COL5A1: variants seen among roughly 807,000 people sequenced by gnomAD.
COL5A1 encodes the protein collagen alpha-1(V) chain.
Under a neutral mutation model 263.7 loss-of-function variants are expected in COL5A1, and 16 were observed. That is an observed-to-expected ratio of 0.06 (90% CI 0.04 to 0.09). The LOEUF (loss-of-function observed/expected upper bound fraction) is 0.09, where lower values mean the gene tolerates loss of function less well. Ranked by LOEUF, COL5A1 falls within the 10% of genes least tolerant of loss-of-function variation. The pLI, the probability that COL5A1 is intolerant of heterozygous loss-of-function variation, is 1.00. For synonymous variants in COL5A1, 1,012 were observed against 1,004.5 expected (o/e 1.01, Z -0.14); for missense variants, 2,036 against 2,540.5 (o/e 0.80, Z 4.27).
At chr9:134,687,341 A>G (rs188134123) in intron 1 of COL5A1, among the ~76,000 whole-genome samples, 2 of 152,334 alleles carry the variant, frequency 1.3e-5, no homozygotes, top group East Asian at 1.9e-4. Flanking sequence ...GCAGAGCAGG[A>G]TGGTGCCTAG....
Position 134,822,121 on chromosome 9 carries a change from A to C in COL5A1, c.4579A>C (p.Ile1527Leu). 1 of 1,489,142 alleles carries C rather than the reference A, an allele frequency of 6.7e-7. No homozygotes were observed. Among genetic ancestry groups the C allele is most frequent in the Non-Finnish European group, 9.1e-7 (1 of 1,102,074 alleles). The allele number at this position is 1,489,142 out of a possible 1,614,324, so 92.2% of individuals were successfully genotyped here. ...GGGTATCACTGGTCCTTCTGGCCCG[A>C]TTGGGCCTCCTGGGCCCCCTGGCCT... is the stretch of plus-strand genomic sequence containing the variant. ...EQGITGPSGP[I>L]GPPGPPGLPG... is the part of the protein sequence containing the mutation. The change falls in exon 59 of 66, where the codon ATT becomes CTT. Residue 1527 changes from isoleucine (I) to leucine (L), a missense_variant. This residue lies in a region of COL5A1 where 1,078 missense variants were observed against 1,521.4 expected (regional missense o/e 0.71). Transcript: ENST00000371817.
At chr9:134,812,825 G>C in intron 48 of COL5A1, 113 bp downstream of exon 48, 1 of 789,870 alleles carries the variant, frequency 1.3e-6, no homozygotes, top group Non-Finnish European at 2.2e-6. Context: ...CACGCTTGTG[G>C]GGGTGCATAC....
At chr9:134,732,183 C>CCCG in intron 9 of COL5A1, 56 bp downstream of exon 9, 1 of 1,594,278 alleles carries the variant, frequency 6.3e-7, no homozygotes, top group Non-Finnish European at 8.6e-7. Flanking sequence ...CTCGGGGTCA[C>CCCG]AGCGGGGTGT....
At chr9:134,802,037 G>A (rs1365565176) in intron 38 of COL5A1, 30 bp downstream of exon 38, 2 of 1,601,822 alleles carry the variant, frequency 1.2e-6, no homozygotes, top group African/African-American at 2.7e-5. Context: ...GATTCCATGG[G>A]TCACTCGGTG....
chr9:134,671,360 C>T (rs763061584), intron 1 of COL5A1, among the ~76,000 whole-genome samples: 4 of 152,160 alleles, frequency 2.6e-5, no homozygotes, highest in African/African-American at 9.7e-5. Flanking sequence ...TCTGGGATCT[C>T]GCACAGTACA....
In COL5A1 at chr9:134,760,007, TAC is replaced by T. The variant is rs769999732; in HGVS notation, c.1935+1717_1935+1718del. 1.5e-4 allele frequency among the ~76,000 whole-genome samples: 9 copies of T among 59,734 alleles called. No homozygotes were observed. The East Asian group carries it at 4.4e-3, about 29-fold the overall frequency. 39.2% of individuals were successfully genotyped at this position (59,734 alleles called of 152,430 possible). ...TGCACACCCACACACCCCACACTCA[TAC>T]ACACATGCACACACACCCACGCACA... On this transcript the variant is annotated intron_variant, in intron 18 of 65. Transcript: ENST00000371817.
intron 19 of COL5A1, among the ~76,000 whole-genome samples, chr9:134,762,454 G>A (rs1836490066): frequency 6.6e-6 from 1 of 152,256 alleles, no homozygotes; most frequent in Non-Finnish European, 1.5e-5. Flanking sequence ...GCGAGTGGCT[G>A]TGGCCATGGG....
At chr9:134,747,961 G>GCGCACATGCATTCACA (rs1471772689) in intron 11 of COL5A1, among the ~76,000 whole-genome samples, 21,275 of 112,180 alleles carry the variant, frequency 0.19, 2,861 homozygotes, top group East Asian at 0.33. Context: ...GCAGACACAT[G>GCGCACATGCATTCACA]CACACATGCA....
At chr9:134,761,344 C>T (rs1326539819) in intron 18 of COL5A1, among the ~76,000 whole-genome samples, 5 of 152,184 alleles carry the variant, frequency 3.3e-5, no homozygotes, top group Admixed American at 2.6e-4. Flanking sequence ...CTGTTGATTG[C>T]TCCCGTAAGC....
chr9:134,717,062 G>A (rs1044369824), intron 4 of COL5A1, among the ~76,000 whole-genome samples: 8 of 152,168 alleles, frequency 5.3e-5, no homozygotes, highest in Non-Finnish European at 1.0e-4. Flanking sequence ...TTTCCATTTT[G>A]TATGACTCAC....
At position 134,681,458 on chromosome 9, in the gene COL5A1, CAT is replaced by C. The variant is rs1302890735; in HGVS notation, c.110-9452_110-9451del. 3.3e-5 allele frequency among the ~76,000 whole-genome samples: 5 copies of C among 152,242 alleles called. No homozygotes were observed. Among genetic ancestry groups the C allele is most frequent in the African/African-American group, 1.2e-4 (5 of 41,474 alleles). On this transcript the variant is annotated intron_variant, in intron 1 of 65. Transcript: ENST00000371817. The surrounding 1 kb of genome is among the most constrained non-coding windows in gnomAD (Gnocchi z 4.3). Reference sequence around the variant, plus strand: ...AGACACACGCTGCCCATGGAACACACATAGCAGGGATATGGTTCCAGTGATGG... The same window carrying C: ...AGACACACGCTGCCCATGGAACACACAGCAGGGATATGGTTCCAGTGATGG...
intron 64 of COL5A1, among the ~76,000 whole-genome samples, 172 bp from the exon 65 acceptor site, chr9:134,834,799 G>A (rs1235244632): frequency 3.9e-5 from 6 of 152,202 alleles, no homozygotes; most frequent in African/African-American, 9.7e-5. Flanking sequence ...CTGGGAACAC[G>A]CAAGAGAGCC....
At chr9:134,764,874 C>T (rs1276249372) in intron 20 of COL5A1, among the ~76,000 whole-genome samples, 2 of 152,130 alleles carry the variant, frequency 1.3e-5, no homozygotes, top group Admixed American at 6.5e-5. Context: ...ATTAAAATAA[C>T]GAAGGAAACA....
chr9:134,806,979 G>A (rs142665627), intron 42 of COL5A1, among the ~76,000 whole-genome samples: 9 of 152,280 alleles, frequency 5.9e-5, no homozygotes, highest in Middle Eastern at 3.4e-3. Flanking sequence ...CCAGATCTTG[G>A]TCTCCAAGAA....
intron 39 of COL5A1, 113 bp from the exon 40 acceptor site, chr9:134,804,862 G>T: frequency 1.1e-6 from 1 of 886,294 alleles, no homozygotes; most frequent in Middle Eastern, 3.1e-4. Flanking sequence ...CTGGTGAGAG[G>T]TCTGCGTTGC....
intron 1 of COL5A1, among the ~76,000 whole-genome samples, chr9:134,669,763 G>A (rs1266269930): frequency 4.6e-5 from 7 of 152,176 alleles, no homozygotes; most frequent in African/African-American, 1.2e-4. Context: ...CTGGCTCTCC[G>A]CAGAGGTGGG....
Position 134,784,978 on chromosome 9 carries a change from C to T in COL5A1, c.2485-11C>T, listed in dbSNP as rs756350498. On this transcript the variant is annotated splice_polypyrimidine_tract_variant and intron_variant, in intron 29 of 65. Transcript: ENST00000371817. ...GGGTGGTCTTCTCACCTCCTCTTTTCTGGCTTGCAGGGGGAGATCGGCCCA... is the reference window on the plus strand; with the variant it reads ...GGGTGGTCTTCTCACCTCCTCTTTTTTGGCTTGCAGGGGGAGATCGGCCCA... 1.1e-5 allele frequency: 17 copies of T among 1,607,880 alleles called. No homozygotes were observed. Among genetic ancestry groups the T allele is most frequent in the Middle Eastern group, 3.3e-4 (2 of 6,074 alleles).
rs914553448 is a variant in COL5A1 at position 134,647,591 on chromosome 9, G to A, written c.109+5295G>A. Reference sequence around the variant, plus strand: ...TTTGAGGAGCTCGTGGCAGGGCGACGTTTCTCTCCTTACCGTGACCCGGCC... The same window carrying A: ...TTTGAGGAGCTCGTGGCAGGGCGACATTTCTCTCCTTACCGTGACCCGGCC... On this transcript the variant is annotated intron_variant, in intron 1 of 65. Transcript: ENST00000371817. The surrounding 1 kb of genome is among the most constrained non-coding windows in gnomAD (Gnocchi z 5.0). 2.6e-5 allele frequency among the ~76,000 whole-genome samples: 4 copies of A among 152,192 alleles called. No homozygotes were observed. The highest frequency in any genetic ancestry group is 2.9e-5 in the Non-Finnish European group (2 of 68,024).
intron 32 of COL5A1, among the ~76,000 whole-genome samples, chr9:134,790,087 A>G (rs114782222): frequency 0.011 from 1,657 of 152,176 alleles, 29 homozygotes; most frequent in African/African-American, 0.037. Flanking sequence ...CCATCCTCCT[A>G]TGCCCCATCC....
Sources: allele counts gnomAD v4.1 joint callset (sites outside exome capture counted in the v4.1 genomes callset), GRCh38; gene constraint gnomAD v4.1.1; regional missense constraint gnomAD v4.1.1; non-coding constraint Gnocchi (gnomAD v3.1); transcripts MANE v1.5; gene names NCBI Gene and HGNC (gene_info 2026-07-23, HGNC 2026-07-21).